HACD4: variants seen among roughly 807,000 people sequenced by gnomAD.
HACD4 encodes 3-hydroxyacyl-CoA dehydratase 4, also known as very-long-chain (3R)-3-hydroxyacyl-CoA dehydratase 4.
HACD4 carries 35 observed loss-of-function variants against 33.3 expected under a neutral mutation model. The observed-to-expected ratio is 1.05, with a 90% CI of 0.80 to 1.39. The LOEUF (loss-of-function observed/expected upper bound fraction) is 1.39, where lower values mean the gene tolerates loss of function less well. HACD4 is among the 40% of genes most tolerant of loss of function. HACD4 has a pLI of 0.00. For synonymous variants in HACD4, 118 were observed against 98.0 expected (o/e 1.20, Z -1.21); for missense variants, 323 against 276.5 (o/e 1.17, Z -1.19).
chr9:21,005,051 A>T lies in HACD4; in HGVS notation c.*1986T>A, dbSNP rs1333343759. On this transcript the variant is annotated 3_prime_UTR_variant, in exon 7 of 7. Coordinates refer to ENST00000495827, the MANE Select transcript of HACD4 (RefSeq NM_001010915.5). The surrounding 1 kb of genome is among the most constrained non-coding windows in gnomAD (Gnocchi z 4.0). ...TGGACAATAAAGGCCATTCTGATGA[A>T]GTCTCAAATGAAAATGAGGAACCTG... 1 of 152,228 alleles carries T rather than the reference A, an allele frequency of 6.6e-6. No individual in the cohort carries two copies. Among genetic ancestry groups the T allele is most frequent in the Non-Finnish European group, 1.5e-5 (1 of 68,038 alleles). 9.4% of individuals were successfully genotyped at this position (152,228 alleles called of 1,614,324 possible).
chr9:21,016,995 T>C (rs1270947713), intron 3 of HACD4, among the ~76,000 whole-genome samples: 1 of 152,208 alleles, frequency 6.6e-6, no homozygotes, highest in East Asian at 1.9e-4. Context: ...TTATGTTATA[T>C]TAATATATCC....
chr9:21,008,761 T>C (rs1247374567), intron 5 of HACD4, among the ~76,000 whole-genome samples: 2 of 152,052 alleles, frequency 1.3e-5, no homozygotes, highest in Non-Finnish European at 2.9e-5. Flanking sequence ...CATGTATAGA[T>C]ATTTTTGGTA....
chr9:21,022,278 A>G (rs1325437120), intron 3 of HACD4, among the ~76,000 whole-genome samples: 1 of 152,242 alleles, frequency 6.6e-6, no homozygotes, highest in Admixed American at 6.5e-5. Flanking sequence ...AAACCCTAGA[A>G]GAACACCTAG....
chr9:21,031,484 G>C, intron 1 of HACD4, 69 bp downstream of exon 1: 1 of 1,418,262 alleles, frequency 7.1e-7, no homozygotes, highest in Non-Finnish European at 9.1e-7. Context: ...GCCCGCCGCA[G>C]AGGGGAGCTC....
intron 3 of HACD4, among the ~76,000 whole-genome samples, chr9:21,024,825 A>G (rs1818021562): frequency 6.6e-6 from 1 of 152,214 alleles, no homozygotes; most frequent in African/African-American, 2.4e-5. Flanking sequence ...AAAAATACCA[A>G]TAGAAAACAT....
intron 4 of HACD4, among the ~76,000 whole-genome samples, chr9:21,014,796 T>C (rs537850435): frequency 2.0e-5 from 3 of 152,142 alleles, no homozygotes; most frequent in Non-Finnish European, 2.9e-5. Context: ...TGGAGGTGGG[T>C]TTCATCTAGA....
intron 3 of HACD4, among the ~76,000 whole-genome samples, chr9:21,023,783 G>A (rs1032048719): frequency 6.6e-6 from 1 of 152,068 alleles, no homozygotes; most frequent in African/African-American, 2.4e-5. Context: ...CACCATGTTG[G>A]CCAGGATGGT....
chr9:21,024,347 A>C (rs1818010784), intron 3 of HACD4, among the ~76,000 whole-genome samples: 1 of 152,264 alleles, frequency 6.6e-6, no homozygotes, highest in African/African-American at 2.4e-5. Context: ...TCTCTGACTT[A>C]TCTCTCCCAG....
At chr9:21,029,466 CCTTT>C in intron 1 of HACD4, 68 bp from the exon 2 acceptor site, 1 of 977,128 alleles carries the variant, frequency 1.0e-6, no homozygotes, top group Non-Finnish European at 1.5e-6. Flanking sequence ...GTACACATGC[CCTTT>C]AATGTACTGG....
At chr9:21,008,883 G>A (rs1842339776) in intron 5 of HACD4, among the ~76,000 whole-genome samples, 2 of 152,088 alleles carry the variant, frequency 1.3e-5, no homozygotes, top group East Asian at 1.9e-4. Context: ...AATTTCTTAT[G>A]GGTCAAAATT....
rs1842200200 is a variant in HACD4, at chr9:21,003,524, A to T, written c.*3513T>A. The T allele has an allele frequency of 6.6e-6, 1 of 152,134 alleles. No homozygotes were observed. Among genetic ancestry groups the T allele is most frequent in the Non-Finnish European group, 1.5e-5 (1 of 68,004 alleles). The allele number at this position is 152,134 out of a possible 1,614,324, so 9.4% of individuals were successfully genotyped here. A position where few individuals can be genotyped will look rare whatever the true frequency, so the allele number is the denominator to read the frequency against. ...AAAAATGTAGCTTTTTAAAAGGATA[A>T]TTTTTTAAAATCCAAATATATTTAT... On this transcript the variant is annotated 3_prime_UTR_variant, in exon 7 of 7. Transcript: ENST00000495827.
At chr9:21,028,543 G>A (rs1247066481) in intron 2 of HACD4, among the ~76,000 whole-genome samples, 5 of 152,184 alleles carry the variant, frequency 3.3e-5, no homozygotes, top group Non-Finnish European at 7.3e-5. Context: ...ACACACGTCT[G>A]AAATGATGAG....
chr9:21,031,351 AAC>A (rs1359631867), intron 1 of HACD4, 200 bp downstream of exon 1: 30 of 611,740 alleles, frequency 4.9e-5, no homozygotes, highest in Admixed American at 6.3e-5. Context: ...TGGAGAAAAT[AAC>A]AGAGCCTGCT....
intron 2 of HACD4, among the ~76,000 whole-genome samples, chr9:21,027,550 C>T (rs184574380): frequency 2.4e-4 from 36 of 152,314 alleles, no homozygotes; most frequent in Non-Finnish European, 4.7e-4. Flanking sequence ...TTATCATCAT[C>T]CCCATTTCAG....
chr9:21,025,660 A>AT (rs1023988916), intron 3 of HACD4, among the ~76,000 whole-genome samples: 2 of 152,070 alleles, frequency 1.3e-5, no homozygotes, highest in African/African-American at 2.4e-5. Flanking sequence ...CTTTATTTTT[A>AT]TTTTTTTGCC....
At chr9:21,031,409 C>G (rs1421974408) in intron 1 of HACD4, 144 bp downstream of exon 1, 3 of 1,300,402 alleles carry the variant, frequency 2.3e-6, no homozygotes, top group African/African-American at 1.6e-5. Flanking sequence ...CCTGCATGAG[C>G]TCCAAGGGGT....
At chr9:21,027,387 G>A (rs972233572) in intron 2 of HACD4, among the ~76,000 whole-genome samples, 1 of 152,190 alleles carries the variant, frequency 6.6e-6, no homozygotes, top group African/African-American at 2.4e-5. Context: ...TAGGATAAAT[G>A]TGTTGCTTTA....
In HACD4 at chr9:21,001,297, T is replaced by A. The variant is rs894173334; in HGVS notation, c.*5740A>T. 3.9e-5 allele frequency: 6 copies of A among 151,904 alleles called. No homozygotes were observed. Among genetic ancestry groups the A allele is most frequent in the African/African-American group, 1.5e-4 (6 of 41,376 alleles). 9.4% of individuals were successfully genotyped at this position (151,904 alleles called of 1,614,324 possible). A position where few individuals can be genotyped will look rare whatever the true frequency, so the allele number is the denominator to read the frequency against. Reference sequence around the variant, plus strand: ...GAGCTGGAAAGTACGATAATTGAAATGAAAAACTCACTAGAGGTATTCAAA... The same window carrying A: ...GAGCTGGAAAGTACGATAATTGAAAAGAAAAACTCACTAGAGGTATTCAAA... On this transcript the variant is annotated 3_prime_UTR_variant, in exon 7 of 7. Coordinates refer to ENST00000495827, the MANE Select transcript of HACD4 (RefSeq NM_001010915.5).
rs553737043 is a variant in HACD4, at chr9:21,002,897, T to C, written c.*4140A>G. The C allele has an allele frequency of 6.6e-6, 1 of 152,310 alleles. No homozygotes were observed. Among genetic ancestry groups the C allele is most frequent in the South Asian group, 2.1e-4 (1 of 4,832 alleles). 9.4% of individuals were successfully genotyped at this position (152,310 alleles called of 1,614,324 possible). On this transcript the variant is annotated 3_prime_UTR_variant, in exon 7 of 7. Coordinates refer to ENST00000495827, the MANE Select transcript of HACD4 (RefSeq NM_001010915.5). ...AAGACAGATAGTCAAAGACATCAAC[T>C]TTGCGATTTTGGTAACATCCGATTA...
Sources: gnomAD v4.1 joint callset for allele counts (sites outside exome capture counted in the v4.1 genomes callset) on GRCh38, gnomAD v4.1.1 for gene constraint, Gnocchi (gnomAD v3.1) non-coding constraint, MANE v1.5 for transcripts, NCBI Gene and HGNC (gene_info 2026-07-23, HGNC 2026-07-21) for gene names.